Variants in PDLIM5 observed in about 807,000 individuals in gnomAD.
PDLIM5 encodes the protein PDZ and LIM domain protein 5.
In PDLIM5, 34 loss-of-function variants were observed where a neutral mutation model predicts 64.2. The ratio of observed to expected loss-of-function variants is 0.53; its 90% CI spans 0.40 to 0.71. PDLIM5 has a LOEUF of 0.71. PDLIM5 is among the 30% of genes least tolerant of loss of function. The probability of loss-of-function intolerance (pLI) is 0.00; values close to 1 mark genes in which losing one functional copy is unlikely to be tolerated. For missense variants in PDLIM5, 683 were observed against 733.6 expected (o/e 0.93, Z 0.80); for synonymous variants, 253 against 269.1 (o/e 0.94, Z 0.59).
intron 3 of PDLIM5, among the ~76,000 whole-genome samples, chr4:94,535,188 T>G (rs1054868828): frequency 1.3e-5 from 2 of 151,984 alleles, no homozygotes; most frequent in Non-Finnish European, 2.9e-5. Flanking sequence ...CAGGAGAAAT[T>G]AGAGAAGTGA....
intron 10 of PDLIM5, among the ~76,000 whole-genome samples, chr4:94,655,970 A>G (rs1468808778): frequency 6.6e-6 from 1 of 152,206 alleles, no homozygotes; most frequent in African/African-American, 2.4e-5. Context: ...TTTGGATCTA[A>G]ATGTCTGTTT....
chr4:94,631,305 G>A (rs1740131823), intron 8 of PDLIM5, among the ~76,000 whole-genome samples: 1 of 152,014 alleles, frequency 6.6e-6, no homozygotes, highest in Admixed American at 6.6e-5. Context: ...GAACCTTGCA[G>A]CCATTAATTA....
intron 2 of PDLIM5, among the ~76,000 whole-genome samples, chr4:94,517,827 C>T (rs909914367): frequency 6.6e-6 from 1 of 152,108 alleles, no homozygotes; most frequent in Non-Finnish European, 1.5e-5. Flanking sequence ...CTACTTGTTG[C>T]CTGTAGTACA....
intron 3 of PDLIM5, among the ~76,000 whole-genome samples, chr4:94,547,208 A>G (rs1222260984): frequency 1.3e-5 from 2 of 151,796 alleles, no homozygotes; most frequent in African/African-American, 4.8e-5. Flanking sequence ...TGCACCCCCA[A>G]CCCCCCAAAT....
intron 8 of PDLIM5, among the ~76,000 whole-genome samples, chr4:94,627,667 G>C (rs1739807840): frequency 6.6e-6 from 1 of 152,178 alleles, no homozygotes; most frequent in South Asian, 2.1e-4. Flanking sequence ...TGGCAGAGTT[G>C]AATATTGCAA....
At chr4:94,542,673 T>C (rs1463235791) in intron 3 of PDLIM5, among the ~76,000 whole-genome samples, 1 of 152,230 alleles carries the variant, frequency 6.6e-6, no homozygotes, top group Non-Finnish European at 1.5e-5. Context: ...GGAAAATGAA[T>C]CTTTTTTCTT....
At chr4:94,577,304 T>G (rs2110290265) in intron 5 of PDLIM5, 1 of 456,616 alleles carries the variant, frequency 2.2e-6, no homozygotes, top group Non-Finnish European at 4.4e-6. Context: ...ATGAAGAGGC[T>G]GTGCTTTCTG....
At chr4:94,455,636 A>G (rs2126071590) in intron 2 of PDLIM5, 1 of 698,562 alleles carries the variant, frequency 1.4e-6, no homozygotes, top group South Asian at 1.9e-5. Context: ...TTAACTAGGA[A>G]CAGACTGTAC....
chr4:94,579,562 G>T, intron 5 of PDLIM5: 1 of 1,306,330 alleles, frequency 7.7e-7, no homozygotes. Flanking sequence ...TACTGGAGAG[G>T]AAATATGGTG....
intron 7 of PDLIM5, among the ~76,000 whole-genome samples, chr4:94,595,365 A>C (rs17336353): frequency 6.6e-6 from 1 of 152,096 alleles, no homozygotes; most frequent in African/African-American, 2.4e-5. Context: ...AAACAATTCA[A>C]ACTCAGGTTA....
intron 7 of PDLIM5, among the ~76,000 whole-genome samples, chr4:94,611,624 G>A (rs1456794628): frequency 1.3e-5 from 2 of 152,252 alleles, no homozygotes; most frequent in African/African-American, 2.4e-5. Context: ...TGAAGGTTTT[G>A]CTTGGAAAAG....
intron 9 of PDLIM5, among the ~76,000 whole-genome samples, chr4:94,644,119 A>G (rs1741215260): frequency 6.6e-6 from 1 of 151,944 alleles, no homozygotes; most frequent in Non-Finnish European, 1.5e-5. Flanking sequence ...TTTTCAGATA[A>G]TAGTTAAAGT....
intron 3 of PDLIM5, among the ~76,000 whole-genome samples, chr4:94,548,428 T>C (rs1264805099): frequency 6.6e-6 from 1 of 152,222 alleles, no homozygotes; most frequent in Non-Finnish European, 1.5e-5. Flanking sequence ...AGATAGGAAT[T>C]AGATGAAATA....
intron 5 of PDLIM5, among the ~76,000 whole-genome samples, chr4:94,579,015 A>G (rs1249677104): frequency 6.6e-6 from 1 of 152,084 alleles, no homozygotes; most frequent in Non-Finnish European, 1.5e-5. Context: ...ACAGATGCTT[A>G]TTAATGAAGC....
At chr4:94,658,433 T>C (rs535814681) in intron 11 of PDLIM5, among the ~76,000 whole-genome samples, 1 of 152,356 alleles carries the variant, frequency 6.6e-6, no homozygotes, top group African/African-American at 2.4e-5. Flanking sequence ...TTATAACATT[T>C]ATTAATAGTG....
At chr4:94,616,142 A>T (rs369368334) in intron 7 of PDLIM5, among the ~76,000 whole-genome samples, 1 of 152,124 alleles carries the variant, frequency 6.6e-6, no homozygotes, top group Non-Finnish European at 1.5e-5. Flanking sequence ...TTGCTTGGTC[A>T]TAATTTTTTT....
At chr4:94,585,146 A>G (rs1736065344) in intron 5 of PDLIM5, 2 of 551,374 alleles carry the variant, frequency 3.6e-6, no homozygotes, top group Non-Finnish European at 3.2e-6. Context: ...GCTGGAGTGC[A>G]GTGGTGCGAT....
At chr4:94,457,674 G>A (rs1237668247) in intron 2 of PDLIM5, among the ~76,000 whole-genome samples, 3 of 152,124 alleles carry the variant, frequency 2.0e-5, no homozygotes, top group Non-Finnish European at 4.4e-5. Context: ...TTGTGGTACC[G>A]TGTCTTTAAA....
chr4:94,485,880 T>C (rs959431395), intron 2 of PDLIM5, among the ~76,000 whole-genome samples: 2 of 151,630 alleles, frequency 1.3e-5, no homozygotes, highest in East Asian at 3.9e-4. Context: ...AAAGAAATAT[T>C]ATCTCTGATG....
Sources: allele counts gnomAD v4.1 joint callset (sites outside exome capture counted in the v4.1 genomes callset), GRCh38; gene constraint gnomAD v4.1.1; transcripts MANE v1.5; gene names NCBI Gene and HGNC (gene_info 2026-07-23, HGNC 2026-07-21).